Variants in COP1 observed in about 807,000 individuals in gnomAD.
COP1 encodes COP1 E3 ubiquitin ligase.
Under a neutral mutation model 101.3 loss-of-function variants are expected in COP1, and 24 were observed. The observed-to-expected ratio is 0.24, with a 90% CI of 0.17 to 0.33. The LOEUF is 0.33. Ranked by LOEUF, COP1 falls within the 10% of genes least tolerant of loss-of-function variation. The probability of loss-of-function intolerance (pLI) is 1.00; values close to 1 mark genes in which losing one functional copy is unlikely to be tolerated. For missense variants in COP1, 663 were observed against 906.2 expected (o/e 0.73, Z 3.45); for synonymous variants, 347 against 341.9 (o/e 1.01, Z -0.17).
Position 176,149,757 on chromosome 1 carries a change from C to A in COP1, c.763-683G>T, listed in dbSNP as rs371387972. ...AAAACATAAAAACACAAGTATGTAT[C>A]ATTTACTGTTAAAATTCACAAGAAC... On this transcript the variant is annotated intron_variant, in intron 5 of 19. Coordinates refer to ENST00000367669, the MANE Select transcript of COP1 (RefSeq NM_022457.7). Among the ~76,000 whole-genome samples, 249 of 152,126 alleles carry A rather than the reference C, an allele frequency of 1.6e-3. No individual in the cohort carries two copies. In the Middle Eastern group the frequency reaches 0.017, roughly 10 times the overall value.
chr1:175,955,766 C>CCACACACACACA (rs60306255), intron 18 of COP1, among the ~76,000 whole-genome samples: 36,220 of 128,912 alleles, frequency 0.28, 5,650 homozygotes, highest in East Asian at 0.47. Context: ...TAGAGACAAA[C>CCACACACACACA]CACACACACA....
chr1:176,171,679 C>T lies in COP1; in HGVS notation c.565+4231G>A, dbSNP rs867143668. Reference sequence around the variant, plus strand: ...TTAATGCAGGGTTGCCACAAACTTTCAATTTGTTAAAAAAAATGCAACTTC... The same window carrying T: ...TTAATGCAGGGTTGCCACAAACTTTTAATTTGTTAAAAAAAATGCAACTTC... On this transcript the variant is annotated intron_variant, in intron 3 of 19. Coordinates refer to ENST00000367669, the MANE Select transcript of COP1 (RefSeq NM_022457.7). Among the ~76,000 whole-genome samples the T allele has an allele frequency of 6.1e-3, 921 of 152,158 alleles. 11 individuals carry two copies. The highest frequency in any genetic ancestry group is 0.021 in the African/African-American group (883 of 41,512).
intron 2 of COP1, among the ~76,000 whole-genome samples, chr1:176,177,115 C>T (rs538411430): frequency 6.6e-6 from 1 of 151,974 alleles, no homozygotes; most frequent in East Asian, 1.9e-4. Flanking sequence ...CAATCCAATG[C>T]AATGCTATAC....
At chr1:176,107,676 G>A (rs1219079055) in intron 9 of COP1, among the ~76,000 whole-genome samples, 2 of 152,112 alleles carry the variant, frequency 1.3e-5, no homozygotes, top group Non-Finnish European at 2.9e-5. Flanking sequence ...AAGATACAAT[G>A]ATAGATGCTC....
chr1:176,063,152 T>C lies in COP1; in HGVS notation c.1278-16828A>G, dbSNP rs368541800. ...TCGGCTCACTGCAAGCTCCGCTTCCTGGGTTCACGCCATTCTCCTGCCTCA... is the reference window on the plus strand; with the variant it reads ...TCGGCTCACTGCAAGCTCCGCTTCCCGGGTTCACGCCATTCTCCTGCCTCA... On this transcript the variant is annotated intron_variant, in intron 11 of 19. Transcript: ENST00000367669. 2.8e-3 allele frequency among the ~76,000 whole-genome samples: 399 copies of C among 143,076 alleles called. 3 individuals carry two copies. Among genetic ancestry groups the C allele is most frequent in the African/African-American group, 9.6e-3 (373 of 38,766 alleles). The allele number at this position is 143,076 out of a possible 152,430, so 93.9% of individuals were successfully genotyped here.
intron 18 of COP1, among the ~76,000 whole-genome samples, chr1:175,981,930 A>T (rs763271662): frequency 2.6e-5 from 4 of 152,302 alleles, no homozygotes; most frequent in Non-Finnish European, 4.4e-5. Context: ...TTAAAACCAC[A>T]ATGAGGTATC....
intron 14 of COP1, among the ~76,000 whole-genome samples, chr1:176,029,683 T>C (rs550099257): frequency 5.8e-4 from 88 of 152,250 alleles, no homozygotes; most frequent in African/African-American, 2.0e-3. Context: ...GAAACCAGTA[T>C]TGGGAATGGA....
intron 15 of COP1, among the ~76,000 whole-genome samples, chr1:176,006,880 A>C (rs1663381030): frequency 6.6e-6 from 1 of 151,718 alleles, no homozygotes; most frequent in African/African-American, 2.4e-5. Flanking sequence ...TATTTCCTGA[A>C]TCTGAACGTT....
chr1:175,959,121 G>A (rs950288806), intron 18 of COP1, among the ~76,000 whole-genome samples: 6 of 151,788 alleles, frequency 4.0e-5, no homozygotes, highest in Non-Finnish European at 8.8e-5. Flanking sequence ...TCTTGACCAA[G>A]TTGGGCTTAT....
intron 18 of COP1, among the ~76,000 whole-genome samples, chr1:175,972,333 C>G (rs1015215908): frequency 6.6e-6 from 1 of 152,018 alleles, no homozygotes; most frequent in Non-Finnish European, 1.5e-5. Flanking sequence ...GAGGGAAAAC[C>G]AAGACGTATT....
chr1:176,093,680 A>C (rs1191268543), intron 9 of COP1, among the ~76,000 whole-genome samples: 3 of 152,198 alleles, frequency 2.0e-5, no homozygotes, highest in Non-Finnish European at 4.4e-5. Flanking sequence ...TCTACTAAAA[A>C]TAAAAAAAAA....
chr1:176,164,437 G>A (rs532480522), intron 3 of COP1, among the ~76,000 whole-genome samples: 1 of 152,244 alleles, frequency 6.6e-6, no homozygotes, highest in South Asian at 2.1e-4. Flanking sequence ...CCAACCCCAT[G>A]TATTACTTTG....
At chr1:176,151,323 G>A (rs1316798164) in intron 5 of COP1, among the ~76,000 whole-genome samples, 1 of 132,394 alleles carries the variant, frequency 7.6e-6, no homozygotes, top group African/African-American at 3.2e-5. Context: ...AAGAAAGAAG[G>A]AAAGAAAGAA....
intron 11 of COP1, among the ~76,000 whole-genome samples, chr1:176,070,171 C>A (rs1676710501): frequency 2.6e-5 from 4 of 152,092 alleles, no homozygotes; most frequent in Admixed American, 6.5e-5. Flanking sequence ...CTGCTCCAAC[C>A]AAAACCTTAG....
At chr1:176,147,212 C>T (rs1373415686) in intron 6 of COP1, among the ~76,000 whole-genome samples, 2 of 152,088 alleles carry the variant, frequency 1.3e-5, no homozygotes, top group Non-Finnish European at 2.9e-5. Context: ...AGATTAAACA[C>T]GCAAATAGAC....
intron 17 of COP1, among the ~76,000 whole-genome samples, chr1:175,987,607 T>C (rs1231220378): frequency 1.3e-5 from 2 of 152,196 alleles, no homozygotes; most frequent in African/African-American, 2.4e-5. Context: ...ATTAATGGTC[T>C]ATGAACTGTA....
At chr1:175,955,197 G>A (rs1389690432) in intron 18 of COP1, among the ~76,000 whole-genome samples, 2 of 152,110 alleles carry the variant, frequency 1.3e-5, no homozygotes, top group African/African-American at 4.8e-5. Flanking sequence ...AGCTGTGATT[G>A]TGTCACTGTA....
intron 9 of COP1, among the ~76,000 whole-genome samples, chr1:176,098,967 T>C (rs754803274): frequency 6.6e-6 from 1 of 152,210 alleles, no homozygotes; most frequent in Non-Finnish European, 1.5e-5. Context: ...TATATTTTGG[T>C]GACTACTACT....
intron 18 of COP1, among the ~76,000 whole-genome samples, chr1:175,957,401 T>G (rs972436640): frequency 2.2e-4 from 33 of 152,200 alleles, no homozygotes; most frequent in African/African-American, 8.0e-4. Context: ...CTGCCTACAC[T>G]ATTCAGTGTA....
Sources: allele counts gnomAD v4.1 joint callset (sites outside exome capture counted in the v4.1 genomes callset), GRCh38; gene constraint gnomAD v4.1.1; transcripts MANE v1.5; gene names NCBI Gene and HGNC (gene_info 2026-07-23, HGNC 2026-07-21).